The following PNKD variants were observed in gnomAD, a reference collection of about 807,000 sequenced individuals.
PNKD encodes the protein probable thioesterase PNKD.
A neutral mutation model predicts 45.3 loss-of-function variants in PNKD; 36 were observed. The ratio of observed to expected loss-of-function variants is 0.80; its 90% CI spans 0.61 to 1.05. The LOEUF (loss-of-function observed/expected upper bound fraction) is 1.05. Among genes scored for constraint, PNKD ranks in the 50% least tolerant of loss-of-function variants. The pLI is 0.00. For synonymous variants in PNKD, 197 were observed against 210.1 expected (o/e 0.94, Z 0.54); for missense variants, 511 against 506.6 (o/e 1.01, Z -0.08).
At chr2:218,277,302 C>T (rs1691316963) in intron 2 of PNKD, 5 of 1,474,522 alleles carry the variant, frequency 3.4e-6, no homozygotes, top group East Asian at 2.3e-5. Context: ...CCTAGTGTGC[C>T]GGGGTCCGGG....
intron 2 of PNKD, chr2:218,278,585 G>A (rs893141656): frequency 6.2e-7 from 1 of 1,614,102 alleles, no homozygotes; most frequent in Middle Eastern, 1.7e-4. Context: ...AAGAGATGGG[G>A]AAGCAGTTCA....
intron 2 of PNKD, among the ~76,000 whole-genome samples, chr2:218,315,544 AAGGAATAAT>A (rs58111286): frequency 1.3e-5 from 2 of 152,340 alleles, no homozygotes; most frequent in East Asian, 3.9e-4. Flanking sequence ...GTATGCCTTT[AAGGAATAAT>A]AGGAATAATA....
intron 2 of PNKD, chr2:218,272,768 G>T: frequency 1.2e-6 from 2 of 1,614,128 alleles, no homozygotes; most frequent in South Asian, 2.2e-5. Context: ...CCTGAGGAGC[G>T]CTGCGACCCT....
At chr2:218,277,832 G>T in intron 2 of PNKD, 3 of 1,565,344 alleles carry the variant, frequency 1.9e-6, no homozygotes, top group Non-Finnish European at 1.8e-6. Flanking sequence ...ATAAGGTGGA[G>T]GAGACAGCCA....
chr2:218,275,280 C>G, intron 2 of PNKD: 1 of 613,452 alleles, frequency 1.6e-6, no homozygotes. Context: ...ACAGTTAGTC[C>G]CTAGCTCCTC....
intron 2 of PNKD, among the ~76,000 whole-genome samples, chr2:218,334,978 C>T (rs932866046): frequency 1.3e-5 from 2 of 151,756 alleles, no homozygotes; most frequent in Non-Finnish European, 2.9e-5. Context: ...AAGACATCTT[C>T]TCTTCAAAAA....
chr2:218,320,309 A>G (rs112409958), intron 2 of PNKD, among the ~76,000 whole-genome samples: 4 of 152,246 alleles, frequency 2.6e-5, no homozygotes, highest in African/African-American at 7.2e-5. Context: ...CATGTATACA[A>G]GGCGTAATGA....
chr2:218,314,082 C>T (rs1693694768), intron 2 of PNKD, among the ~76,000 whole-genome samples: 2 of 151,170 alleles, frequency 1.3e-5, no homozygotes, highest in South Asian at 2.1e-4. Flanking sequence ...CCACCACACC[C>T]GGCTAATTTT....
chr2:218,329,991 G>A (rs1304428552), intron 2 of PNKD, among the ~76,000 whole-genome samples: 1 of 143,092 alleles, frequency 7.0e-6, no homozygotes, highest in Non-Finnish European at 1.5e-5. Flanking sequence ...TGGGTCCTGA[G>A]GACATGAAGG....
At chr2:218,273,879 G>GT (rs1690972758) in intron 2 of PNKD, among the ~76,000 whole-genome samples, 1 of 152,178 alleles carries the variant, frequency 6.6e-6, no homozygotes, top group Admixed American at 6.6e-5. Flanking sequence ...CTGCAAAACT[G>GT]TAGGTATACA....
intron 2 of PNKD, chr2:218,278,890 A>G: frequency 2.3e-6 from 2 of 888,432 alleles, no homozygotes; most frequent in Non-Finnish European, 3.5e-6. Flanking sequence ...GGGCACGCAC[A>G]CCCACACCCT....
intron 7 of PNKD, 96 bp downstream of exon 7, chr2:218,342,240 T>A (rs1694701823): frequency 9.8e-7 from 1 of 1,021,390 alleles, no homozygotes; most frequent in South Asian, 1.3e-5. Flanking sequence ...GCCTTAGTTT[T>A]AGCACAGATG....
chr2:218,279,320 T>C (rs1487064826), intron 2 of PNKD: 1 of 1,588,598 alleles, frequency 6.3e-7, no homozygotes, highest in African/African-American at 1.4e-5. Flanking sequence ...ATGGCCACAG[T>C]GATGAGCAGC....
chr2:218,332,113 T>C (rs1694344073), intron 2 of PNKD, among the ~76,000 whole-genome samples: 1 of 152,192 alleles, frequency 6.6e-6, no homozygotes, highest in African/African-American at 2.4e-5. Context: ...CTGAAGACTT[T>C]TGAGCAGGAG....
At chr2:218,322,342 C>T (rs1694010153) in intron 2 of PNKD, among the ~76,000 whole-genome samples, 1 of 152,222 alleles carries the variant, frequency 6.6e-6, no homozygotes. Context: ...CACCACCACG[C>T]CTGTCCTCAC....
intron 2 of PNKD, among the ~76,000 whole-genome samples, chr2:218,293,580 C>CTTTTTTTTT (rs34887009): frequency 1.0e-5 from 1 of 98,678 alleles, no homozygotes; most frequent in African/African-American, 3.8e-5. Context: ...ACTGAATGTC[C>CTTTTTTTTT]TTTTTTTTTT....
intron 2 of PNKD, among the ~76,000 whole-genome samples, chr2:218,283,829 C>T (rs1215956957): frequency 6.6e-6 from 1 of 152,048 alleles, no homozygotes; most frequent in African/African-American, 2.4e-5. Context: ...TCTTCATCTC[C>T]CTAGAGGGGC....
In PNKD at chr2:218,277,962, T is replaced by C. The variant is rs757476592; in HGVS notation, c.236+6413T>C. On this transcript the variant is annotated intron_variant, in intron 2 of 9. Coordinates refer to ENST00000273077, the MANE Select transcript of PNKD (RefSeq NM_015488.5). ...AAAGGGTCAGCAGAATGATGTTCCATGGGAAACGGCGTCTGAAGGGAAAGA... is the reference window on the plus strand; with the variant it reads ...AAAGGGTCAGCAGAATGATGTTCCACGGGAAACGGCGTCTGAAGGGAAAGA... The C allele has an allele frequency of 3.7e-6, 6 of 1,614,076 alleles. No homozygotes were observed. In the Admixed American group the frequency reaches 8.3e-5, roughly 22 times the overall value.
chr2:218,322,997 CG>C (rs1694031396), intron 2 of PNKD, among the ~76,000 whole-genome samples: 1 of 151,884 alleles, frequency 6.6e-6, no homozygotes, highest in Non-Finnish European at 1.5e-5. Flanking sequence ...CTGTGGACCC[CG>C]ATCAGCGCAG....
Sources: allele counts gnomAD v4.1 joint callset (sites outside exome capture counted in the v4.1 genomes callset), GRCh38; gene constraint gnomAD v4.1.1; transcripts MANE v1.5; gene names NCBI Gene and HGNC (gene_info 2026-07-23, HGNC 2026-07-21).